Variants in FGD6 observed in about 807,000 individuals in gnomAD.
FGD6 encodes FYVE, RhoGEF and PH domain containing 6.
Under a neutral mutation model 149.4 loss-of-function variants are expected in FGD6, and 90 were observed. The ratio of observed to expected loss-of-function variants is 0.60; its 90% confidence interval spans 0.51 to 0.72. FGD6 has a LOEUF of 0.72. Among genes scored for constraint, FGD6 ranks in the 30% least tolerant of loss-of-function variants. FGD6 has a pLI of 0.00. For synonymous variants in FGD6, 527 were observed against 584.0 expected, an observed-to-expected ratio of 0.90 and a Z score of 1.41; for missense variants, 1,437 against 1,684.8, an observed-to-expected ratio of 0.85 and a Z score of 2.57.
chr12:95,172,136 G>GAA (rs1881010922), intron 3 of FGD6, among the ~76,000 whole-genome samples: 3 of 152,126 alleles, frequency 2.0e-5, no homozygotes, highest in African/African-American at 7.2e-5. Flanking sequence ...AGCACTTTGG[G>GAA]AGGCTGAGGC....
chr12:95,138,246 A>AAATAAATC (rs796444898), intron 6 of FGD6, among the ~76,000 whole-genome samples: 1 of 143,778 alleles, frequency 7.0e-6, no homozygotes, highest in Non-Finnish European at 1.5e-5. Context: ...ATAAATAAAT[A>AAATAAATC]ACTCACTCAC....
At chr12:95,163,047 G>A (rs1003097577) in intron 3 of FGD6, among the ~76,000 whole-genome samples, 3 of 152,186 alleles carry the variant, frequency 2.0e-5, no homozygotes, top group Admixed American at 2.0e-4. Flanking sequence ...AACCAGGTTA[G>A]TTCTCAGGCT....
intron 14 of FGD6, among the ~76,000 whole-genome samples, chr12:95,102,899 A>T (rs2136239057): frequency 6.6e-6 from 1 of 152,322 alleles, no homozygotes; most frequent in African/African-American, 2.4e-5. Flanking sequence ...TCTAATCTGG[A>T]AGATCAAGAT....
At chr12:95,139,628 G>A (rs913880639) in intron 6 of FGD6, among the ~76,000 whole-genome samples, 2 of 150,694 alleles carry the variant, frequency 1.3e-5, no homozygotes, top group Non-Finnish European at 1.5e-5. Flanking sequence ...GAGCCACAGC[G>A]CCCAGCCAGT....
rs757111247 is a variant in FGD6 at position 95,092,854 on chromosome 12, G to A, written c.3601-9C>T. Reference sequence around the variant, plus strand: ...TTATTTTCTGAGTCTGCCTGTGGAAGAAGAACAACTTCTGATTATCTCCAT... The same window carrying A: ...TTATTTTCTGAGTCTGCCTGTGGAAAAAGAACAACTTCTGATTATCTCCAT... On this transcript the variant is annotated splice_polypyrimidine_tract_variant and intron_variant, in intron 15 of 20. Transcript: ENST00000343958. 14 of 1,601,772 alleles carry A rather than the reference G, an allele frequency of 8.7e-6. No homozygotes were observed. The highest frequency in any genetic ancestry group is 8.5e-7 in the Non-Finnish European group (1 of 1,173,688).
intron 5 of FGD6, among the ~76,000 whole-genome samples, chr12:95,145,391 G>A (rs1292046722): frequency 1.3e-5 from 2 of 152,088 alleles, no homozygotes; most frequent in African/African-American, 4.8e-5. Context: ...GTAAAATCCA[G>A]TTTTAGCAAG....
In FGD6 at chr12:95,105,050, A is replaced by G. The variant is rs775740620; in HGVS notation, c.3454T>C (p.Leu1152=). Residue 1152 remains leucine (L), a synonymous_variant, in exon 14 of 21, where the codon TTA becomes CTA. Coordinates refer to ENST00000343958, the MANE Select transcript of FGD6 (RefSeq NM_018351.4). ...KPTQEAYQNE[L]KIESVERSFI... ...GAACGTTCTACACTTTCAATCTTTA[A>G]TTCATTCTGATAGGCTTCTTGGGTA... The G allele has an allele frequency of 6.2e-7, 1 of 1,610,304 alleles. No homozygotes were observed. Among genetic ancestry groups the G allele is most frequent in the African/African-American group, 1.3e-5 (1 of 74,554 alleles).
At chr12:95,186,883 T>C (rs1319606303) in intron 2 of FGD6, among the ~76,000 whole-genome samples, 8 of 152,188 alleles carry the variant, frequency 5.3e-5, no homozygotes, top group Admixed American at 5.2e-4. Context: ...TTTTCCTCCA[T>C]AAAATGAGGA....
At chr12:95,092,916 C>T in intron 15 of FGD6, 71 bp from the exon 16 acceptor site, 2 of 1,514,832 alleles carry the variant, frequency 1.3e-6, no homozygotes, top group South Asian at 1.2e-5. Context: ...AGTGGCATCT[C>T]ACACTACCAA....
intron 2 of FGD6, among the ~76,000 whole-genome samples, chr12:95,203,583 A>G (rs2056674398): frequency 6.6e-6 from 1 of 152,226 alleles, no homozygotes. Flanking sequence ...AAAACCATGT[A>G]TTATAAATTT....
rs1458059015 is a variant in FGD6, at chr12:95,079,682, G to C, written c.*1838C>G. The C allele has an allele frequency of 6.6e-6, 1 of 152,052 alleles. No individual in the cohort carries two copies. The highest frequency in any genetic ancestry group is 1.5e-5 in the Non-Finnish European group (1 of 68,022). The allele number at this position is 152,052 out of a possible 1,614,324, so 9.4% of individuals were successfully genotyped here. ...TTAGTGTACCTGCTATGACAGAAAG[G>C]GGATGGCATGTTAGGATTGTGTATG... is the stretch of plus-strand genomic sequence containing the variant. On this transcript the variant is annotated 3_prime_UTR_variant, in exon 21 of 21. Transcript: ENST00000343958.
At chr12:95,092,560 G>A in intron 16 of FGD6, 139 bp downstream of exon 16, 1 of 900,480 alleles carries the variant, frequency 1.1e-6, no homozygotes, top group East Asian at 3.0e-5. Flanking sequence ...ATTCATGTTT[G>A]CTACCATTAA....
Position 95,083,040 on chromosome 12 carries a change from T to TACACAC in FGD6, c.4256+1452_4256+1457dup, listed in dbSNP as rs60971253. ...ATATATATATATATATACACACACA[T>TACACAC]ACACACACACACACACACACACAGA... On this transcript the variant is annotated intron_variant, in intron 20 of 20. Coordinates refer to ENST00000343958, the MANE Select transcript of FGD6 (RefSeq NM_018351.4). Among the ~76,000 whole-genome samples, 390 of 74,644 alleles carry TACACAC rather than the reference T, an allele frequency of 5.2e-3. 6 individuals are homozygous for TACACAC. The highest frequency in any genetic ancestry group is 0.018 in the Middle Eastern group (2 of 114). 49.0% of individuals were successfully genotyped at this position (74,644 alleles called of 152,430 possible).
intron 2 of FGD6, among the ~76,000 whole-genome samples, chr12:95,178,643 G>C (rs143224441): frequency 6.6e-6 from 1 of 151,672 alleles, no homozygotes; most frequent in African/African-American, 2.4e-5. Flanking sequence ...CTTGATTAAA[G>C]GTTAAGACAA....
intron 13 of FGD6, 65 bp downstream of exon 13, chr12:95,106,889 G>A (rs991642690): frequency 1.1e-4 from 125 of 1,094,174 alleles, no homozygotes; most frequent in South Asian, 1.6e-4. Context: ...ATGAGACCCC[G>A]TCTCAAACAA....
chr12:95,210,122 T>C lies in FGD6; in HGVS notation c.1162A>G (p.Met388Val). 1 of 1,614,180 alleles carries C rather than the reference T, an allele frequency of 6.2e-7. No individual in the cohort carries two copies. The highest frequency in any genetic ancestry group is 8.5e-7 in the Non-Finnish European group (1 of 1,180,032). Reference sequence around the variant, plus strand: ...TCCTGTGCATCACTGTTGGATTCCATATTCAATTCACTTTTATTTCCTAGC... The same window carrying C: ...TCCTGTGCATCACTGTTGGATTCCACATTCAATTCACTTTTATTTCCTAGC... ...MKLGNKSELNMESNSDAQDLV... is the reference protein window; with the variant it reads ...MKLGNKSELNVESNSDAQDLV... Residue 388 changes from methionine (M) to valine (V), a missense_variant, in exon 2 of 21, where the codon ATG (methionine) becomes GTG (valine). Coordinates refer to ENST00000343958, the MANE Select transcript of FGD6 (RefSeq NM_018351.4).
At chr12:95,170,314 G>T (rs991297712) in intron 3 of FGD6, among the ~76,000 whole-genome samples, 3 of 152,062 alleles carry the variant, frequency 2.0e-5, no homozygotes, top group Non-Finnish European at 4.4e-5. Context: ...TCCTGATTAT[G>T]ATTAAGCACA....
intron 8 of FGD6, among the ~76,000 whole-genome samples, chr12:95,118,241 CTCAGGAGACTGAG>C (rs1365624188): frequency 6.6e-6 from 1 of 151,726 alleles, no homozygotes; most frequent in Admixed American, 6.6e-5. Flanking sequence ...ATCCCAGCTA[CTCAGGAGACTGAG>C]GCAGGAGAAT....
chr12:95,173,998 C>G (rs1284490162), intron 2 of FGD6, among the ~76,000 whole-genome samples: 1 of 152,170 alleles, frequency 6.6e-6, no homozygotes, highest in African/African-American at 2.4e-5. Context: ...GCTGGAGGCA[C>G]AGTGCCAAAA....
Sources: gnomAD v4.1 joint callset for allele counts (sites outside exome capture counted in the v4.1 genomes callset) on GRCh38, gnomAD v4.1.1 for gene constraint, MANE v1.5 for transcripts, NCBI Gene and HGNC (gene_info 2026-07-23, HGNC 2026-07-21) for gene names.